Variants in DRC3 observed in about 807,000 individuals in gnomAD.
DRC3 encodes the protein leucine rich repeat containing 48.
In DRC3, 45 loss-of-function variants were observed where a neutral mutation model predicts 57.6. The observed-to-expected ratio is 0.78, with a 90% CI of 0.62 to 1.00. DRC3 has a LOEUF of 1.00. DRC3 is among the 50% of genes least tolerant of loss of function. The probability of loss-of-function intolerance (pLI) is 0.00; values close to 1 mark genes in which losing one functional copy is unlikely to be tolerated. For missense variants in DRC3, 655 were observed against 675.2 expected (o/e 0.97, Z 0.33); for synonymous variants, 257 against 272.3 (o/e 0.94, Z 0.55).
chr17:18,003,809 ATTTTTT>A (rs200063548), intron 9 of DRC3, among the ~76,000 whole-genome samples: 2 of 139,054 alleles, frequency 1.4e-5, no homozygotes, highest in African/African-American at 5.3e-5. Context: ...TGCCTGGCTA[ATTTTTT>A]TTTTTTTTTG....
At chr17:17,977,525 C>A in intron 2 of DRC3, 57 bp from the exon 3 acceptor site, 1 of 1,602,494 alleles carries the variant, frequency 6.2e-7, no homozygotes, top group Non-Finnish European at 8.5e-7. Context: ...TCAGCCAGAC[C>A]CTGCCCTCAA....
At chr17:17,999,073 G>A (rs1469465008) in intron 9 of DRC3, among the ~76,000 whole-genome samples, 3 of 152,192 alleles carry the variant, frequency 2.0e-5, no homozygotes, top group Non-Finnish European at 4.4e-5. Flanking sequence ...CTGGGCTTGG[G>A]AGTGTCAGCT....
chr17:17,984,077 C>CT, intron 4 of DRC3, 133 bp downstream of exon 4: 1 of 604,282 alleles, frequency 1.7e-6, no homozygotes, highest in Non-Finnish European at 2.9e-6. Context: ...ACGGCAGAAG[C>CT]TCTGCCTGCT....
rs370315704 is a variant in DRC3 at position 18,016,108 on chromosome 17, G to A, written c.1371G>A (p.Ser457=). The change falls in exon 13 of 14, where the codon TCG becomes TCA. Residue 457 remains serine (S), a synonymous_variant. Coordinates refer to ENST00000399187, the MANE Select transcript of DRC3 (RefSeq NM_031294.4). ...CGATTGTTAATGCTGTCGGGGCATC[G>A]CACGACATCCACCTCCTGAAGATTG... is the stretch of plus-strand genomic sequence containing the variant. ...KDTIVNAVGA[S]HDIHLLKIDN... 10 of 1,613,632 alleles carry A rather than the reference G, an allele frequency of 6.2e-6. No individual in the cohort carries two copies. The East Asian group carries it at 8.9e-5, about 14-fold the overall frequency.
intron 10 of DRC3, 107 bp downstream of exon 10, chr17:18,004,601 C>T (rs749653239): frequency 2.6e-5 from 33 of 1,291,928 alleles, no homozygotes; most frequent in Non-Finnish European, 2.6e-5. Flanking sequence ...ACGTCCAGCA[C>T]GACTCAGCGT....
intron 5 of DRC3, among the ~76,000 whole-genome samples, chr17:17,989,079 C>T (rs1568481183): frequency 6.6e-6 from 1 of 152,146 alleles, no homozygotes; most frequent in Non-Finnish European, 1.5e-5. Context: ...GGAGGACTGT[C>T]ATAGCTGAGG....
chr17:17,988,005 C>T lies in DRC3; in HGVS notation c.351C>T (p.Phe117=), dbSNP rs747217389. The part of the protein sequence containing the change: ...TLVNLEDLSL[F]NNRISKIDSL... ...TGAACCTGGAGGACCTGAGCTTGTT[C>T]AACAACCGGATCTCCAAGATCGACT... The change falls in exon 5 of 14, where the codon TTC becomes TTT. Residue 117 remains phenylalanine (F), a synonymous_variant. Transcript: ENST00000399187. The T allele has an allele frequency of 6.2e-7, 1 of 1,613,876 alleles. No homozygotes were observed. Among genetic ancestry groups the T allele is most frequent in the Admixed American group, 1.7e-5 (1 of 60,000 alleles).
chr17:17,998,685 A>G (rs574947766), intron 9 of DRC3, among the ~76,000 whole-genome samples: 3 of 152,144 alleles, frequency 2.0e-5, no homozygotes, highest in Non-Finnish European at 2.9e-5. Flanking sequence ...CGCCTCCCCA[A>G]CGGCCACCCC....
intron 5 of DRC3, 122 bp from the exon 6 acceptor site, chr17:17,992,643 C>T: frequency 9.3e-7 from 1 of 1,074,800 alleles, no homozygotes; most frequent in Non-Finnish European, 1.3e-6. Flanking sequence ...TGTCACCCCA[C>T]CCCAGTGCTG....
At chr17:17,996,116 G>T (rs1401448974) in intron 8 of DRC3, among the ~76,000 whole-genome samples, 3 of 152,194 alleles carry the variant, frequency 2.0e-5, no homozygotes, top group East Asian at 3.9e-4. Flanking sequence ...CGCCTCCTGG[G>T]TTCAAGCGAT....
chr17:18,004,889 A>G (rs1026810371), intron 10 of DRC3: 4 of 181,678 alleles, frequency 2.2e-5, no homozygotes, highest in East Asian at 1.5e-4. Context: ...GGAGGCTGCA[A>G]CTCAGCACTA....
At chr17:17,980,709 C>T (rs1425074380) in intron 3 of DRC3, among the ~76,000 whole-genome samples, 1 of 151,764 alleles carries the variant, frequency 6.6e-6, no homozygotes, top group East Asian at 1.9e-4. Flanking sequence ...ATTCTCTTGC[C>T]TCAGCCTCCA....
Position 17,994,325 on chromosome 17 carries a change from GTA to G in DRC3, c.619_620del (p.Tyr207GlnfsTer44). 2 of 1,553,798 alleles carry G rather than the reference GTA, an allele frequency of 1.3e-6. No homozygotes were observed. Among genetic ancestry groups the G allele is most frequent in the East Asian group, 4.9e-5 (2 of 40,966 alleles). ...TKKLAEAKHQ[Y>X]SIDELKHQEN... The stretch of plus-strand genomic sequence containing the variant: ...AAAAGCTTGCGGAGGCTAAGCACCA[GTA>G]CAGCATCGACGAGCTGAAGCACCAG... On this transcript the variant is annotated frameshift_variant, in exon 7 of 14. Coordinates refer to ENST00000399187, the MANE Select transcript of DRC3 (RefSeq NM_031294.4). LOFTEE classifies it high-confidence loss of function.
intron 5 of DRC3, among the ~76,000 whole-genome samples, chr17:17,989,865 C>T (rs987022220): frequency 2.6e-5 from 4 of 152,166 alleles, no homozygotes; most frequent in Non-Finnish European, 4.4e-5. Context: ...TGAGATAGGA[C>T]GCTGCCAGCT....
At chr17:17,986,675 C>A (rs2042974182) in intron 4 of DRC3, among the ~76,000 whole-genome samples, 1 of 151,990 alleles carries the variant, frequency 6.6e-6, no homozygotes, top group East Asian at 1.9e-4. Flanking sequence ...GTTGGCCAGG[C>A]TGGTCTGGAA....
intron 3 of DRC3, among the ~76,000 whole-genome samples, chr17:17,982,650 C>T (rs1271577396): frequency 6.7e-6 from 1 of 149,268 alleles, no homozygotes; most frequent in Non-Finnish European, 1.5e-5. Context: ...TCTTGGCTCA[C>T]TGCAACCTCT....
chr17:17,991,948 C>T (rs950891830), intron 5 of DRC3, among the ~76,000 whole-genome samples: 2 of 152,054 alleles, frequency 1.3e-5, no homozygotes, highest in Admixed American at 6.6e-5. Flanking sequence ...CGAGACCAGC[C>T]TGGTCAACAC....
chr17:18,003,424 G>A lies in DRC3; in HGVS notation c.1000-939G>A, dbSNP rs2043817382. 2.3e-5 allele frequency among the ~76,000 whole-genome samples: 3 copies of A among 132,598 alleles called. No homozygotes were observed. In the South Asian group the frequency reaches 8.3e-4, roughly 37 times the overall value. The allele number at this position is 132,598 out of a possible 152,430, so 87.0% of individuals were successfully genotyped here. ...TGCTTGAACTCAGGAGGCAGAGGTT[G>A]CAGTGACCGAGATCGTACCACTGCA... On this transcript the variant is annotated intron_variant, in intron 9 of 13. Transcript: ENST00000399187.
intron 11 of DRC3, 136 bp from the exon 12 acceptor site, chr17:18,006,888 T>G: frequency 7.2e-7 from 1 of 1,390,872 alleles, no homozygotes; most frequent in Non-Finnish European, 9.7e-7. Flanking sequence ...GGTTCGGAGC[T>G]TGTGAGTGGA....
Sources: allele counts gnomAD v4.1 joint callset (sites outside exome capture counted in the v4.1 genomes callset), GRCh38; gene constraint gnomAD v4.1.1; transcripts MANE v1.5; gene names NCBI Gene and HGNC (gene_info 2026-07-23, HGNC 2026-07-21).